LRRTM4: variants seen among roughly 807,000 people sequenced by gnomAD.
LRRTM4 encodes leucine rich repeat transmembrane neuronal 4.
A neutral mutation model predicts 47.6 loss-of-function variants in LRRTM4; 25 were observed. The observed-to-expected ratio is 0.53, with a 90% CI of 0.38 to 0.73. LRRTM4 has a LOEUF of 0.73. Among genes scored for constraint, LRRTM4 ranks in the 30% least tolerant of loss-of-function variants. The pLI, the probability that LRRTM4 is intolerant of heterozygous loss-of-function variation, is 0.00. For missense variants in LRRTM4, 638 were observed against 713.4 expected, an observed-to-expected ratio of 0.89 and a Z score of 1.20; for synonymous variants, 311 against 269.5, an observed-to-expected ratio of 1.15 and a Z score of -1.51.
At chr2:77,221,501 G>A (rs1233604313) in intron 3 of LRRTM4, among the ~76,000 whole-genome samples, 4 of 151,914 alleles carry the variant, frequency 2.6e-5, no homozygotes, top group Admixed American at 6.6e-5. Context: ...AAATAAAGGG[G>A]TGGAGGAAGA....
At position 76,978,874 on chromosome 2, in the gene LRRTM4, GGGTCTGA is replaced by G. The variant is rs375799215; in HGVS notation, c.1552-229965_1552-229959del. Among the ~76,000 whole-genome samples, 17 of 152,114 alleles carry G rather than the reference GGGTCTGA, an allele frequency of 1.1e-4. No homozygotes were observed. In the East Asian group the frequency reaches 2.3e-3, roughly 21 times the overall value. ...CTTACCTTTCCCTGAAGCATGAATT[GGGTCTGA>G]GGTCTGAGGTTACAGAAATGAAGGG... On this transcript the variant is annotated intron_variant, in intron 3 of 3. Coordinates refer to ENST00000409884, the MANE Select transcript of LRRTM4 (RefSeq NM_001134745.3).
chr2:76,880,034 G>T (rs1672884623), intron 3 of LRRTM4, among the ~76,000 whole-genome samples: 1 of 152,194 alleles, frequency 6.6e-6, no homozygotes, highest in Non-Finnish European at 1.5e-5. Flanking sequence ...AGCTAAGAAA[G>T]TAGAATCTTG....
intron 3 of LRRTM4, among the ~76,000 whole-genome samples, chr2:77,486,669 G>T (rs955121121): frequency 6.6e-6 from 1 of 152,154 alleles, no homozygotes; most frequent in Non-Finnish European, 1.5e-5. Context: ...ACAAATATTT[G>T]AGCGAATCTA....
intron 3 of LRRTM4, among the ~76,000 whole-genome samples, chr2:76,911,668 G>C (rs553579055): frequency 2.2e-4 from 33 of 152,210 alleles, no homozygotes; most frequent in South Asian, 8.3e-4. Flanking sequence ...GGTAAAGAGA[G>C]AAAGAAAGAG....
intron 3 of LRRTM4, among the ~76,000 whole-genome samples, chr2:76,804,566 A>G (rs1675864867): frequency 6.6e-6 from 1 of 150,838 alleles, no homozygotes; most frequent in Non-Finnish European, 1.5e-5. Context: ...AAAATATTTT[A>G]TCATTTCCAC....
chr2:76,950,691 G>A (rs1485542111), intron 3 of LRRTM4, among the ~76,000 whole-genome samples: 24 of 151,800 alleles, frequency 1.6e-4, no homozygotes, highest in Admixed American at 1.6e-3. Flanking sequence ...CTAAATTAGG[G>A]CCCTATGAAA....
chr2:76,788,036 G>T (rs1019895501), intron 3 of LRRTM4, among the ~76,000 whole-genome samples: 9 of 151,998 alleles, frequency 5.9e-5, no homozygotes, highest in Non-Finnish European at 1.5e-5. Flanking sequence ...ACCTTCTCTG[G>T]TAGGAAAAGA....
intron 3 of LRRTM4, among the ~76,000 whole-genome samples, chr2:77,371,323 A>G (rs1333485957): frequency 6.6e-6 from 1 of 151,718 alleles, no homozygotes; most frequent in Middle Eastern, 3.2e-3. Flanking sequence ...ACAGACTGAT[A>G]CTCTCGGAAT....
At chr2:77,172,407 C>T (rs1673073673) in intron 3 of LRRTM4, among the ~76,000 whole-genome samples, 1 of 151,956 alleles carries the variant, frequency 6.6e-6, no homozygotes, top group Non-Finnish European at 1.5e-5. Flanking sequence ...CTAGCCTGGC[C>T]AATATGGTGA....
intron 3 of LRRTM4, among the ~76,000 whole-genome samples, chr2:77,291,503 A>T (rs959957119): frequency 2.0e-5 from 3 of 152,092 alleles, no homozygotes; most frequent in African/African-American, 7.2e-5. Flanking sequence ...AGTTGATATC[A>T]CTAGAAATAA....
chr2:76,861,204 T>C (rs879601246), intron 3 of LRRTM4, among the ~76,000 whole-genome samples: 7 of 152,178 alleles, frequency 4.6e-5, no homozygotes, highest in Non-Finnish European at 8.8e-5. Flanking sequence ...CCAATCTTAA[T>C]AATCCAATGT....
At chr2:76,911,028 G>T (rs181539828) in intron 3 of LRRTM4, among the ~76,000 whole-genome samples, 3 of 152,184 alleles carry the variant, frequency 2.0e-5, no homozygotes, top group Admixed American at 6.5e-5. Context: ...CAACTTTGCT[G>T]AATACAAGGA....
intron 3 of LRRTM4, among the ~76,000 whole-genome samples, chr2:77,299,314 C>T (rs1045759413): frequency 6.7e-6 from 1 of 149,452 alleles, no homozygotes; most frequent in African/African-American, 2.5e-5. Flanking sequence ...CACGTATATA[C>T]ATATATATGT....
chr2:76,898,207 T>G (rs1340143837), intron 3 of LRRTM4, among the ~76,000 whole-genome samples: 1 of 152,134 alleles, frequency 6.6e-6, no homozygotes, highest in Non-Finnish European at 1.5e-5. Context: ...TGTACTTGCT[T>G]TTAAATTCAT....
At chr2:77,501,953 T>C (rs1558772883) in intron 3 of LRRTM4, among the ~76,000 whole-genome samples, 1 of 151,366 alleles carries the variant, frequency 6.6e-6, no homozygotes, top group South Asian at 2.1e-4. Context: ...AAAATTTAAA[T>C]GTTGAGGTGA....
chr2:76,801,335 TA>T (rs59106155), intron 3 of LRRTM4, among the ~76,000 whole-genome samples: 2 of 151,966 alleles, frequency 1.3e-5, no homozygotes, highest in Non-Finnish European at 2.9e-5. Flanking sequence ...TATGCAGCCA[TA>T]AAAAATGATG....
chr2:77,419,883 C>T (rs967474672), intron 3 of LRRTM4, among the ~76,000 whole-genome samples: 52 of 152,250 alleles, frequency 3.4e-4, no homozygotes, highest in African/African-American at 1.2e-3. Context: ...ATTAAGTAAT[C>T]ATAGAAGAAA....
chr2:76,841,849 G>A (rs952916319), intron 3 of LRRTM4, among the ~76,000 whole-genome samples: 5 of 152,068 alleles, frequency 3.3e-5, no homozygotes, highest in Middle Eastern at 3.4e-3. Flanking sequence ...TTAAAAAGAG[G>A]TATTACTTTC....
At chr2:77,081,112 T>C (rs1204571287) in intron 3 of LRRTM4, among the ~76,000 whole-genome samples, 1 of 152,150 alleles carries the variant, frequency 6.6e-6, no homozygotes, top group Non-Finnish European at 1.5e-5. Context: ...CCTTTGGTTT[T>C]CTGTGATAGC....
Sources: gnomAD v4.1 joint callset for allele counts (sites outside exome capture counted in the v4.1 genomes callset) on GRCh38, gnomAD v4.1.1 for gene constraint, MANE v1.5 for transcripts, NCBI Gene and HGNC (gene_info 2026-07-23, HGNC 2026-07-21) for gene names.